The following MGST1 variants were observed in gnomAD, a reference collection of about 807,000 sequenced individuals.
MGST1 encodes glutathione S-transferase 12.
Under a neutral mutation model 8.9 loss-of-function variants are expected in MGST1, and 5 were observed. The ratio of observed to expected loss-of-function variants is 0.56; its 90% CI spans 0.29 to 1.19. MGST1 has a LOEUF of 1.19. Among genes scored for constraint, MGST1 ranks in the 50% most tolerant of loss-of-function variants. The pLI is 0.08. For missense variants in MGST1, 182 were observed against 187.4 expected (o/e 0.97, Z 0.17); for synonymous variants, 54 against 67.8 (o/e 0.80, Z 1.00).
chr12:16,512,774 G>A (rs1160067199), intron 4 of MGST1, among the ~76,000 whole-genome samples: 1 of 152,188 alleles, frequency 6.6e-6, no homozygotes, highest in African/African-American at 2.4e-5. Flanking sequence ...TCTTGCCAAT[G>A]AGGGCAATTT....
chr12:16,383,539 G>T (rs560866214), exon 1 of MGST1: 1 of 151,760 alleles, frequency 6.6e-6, no homozygotes, highest in Non-Finnish European at 1.5e-5. Flanking sequence ...TCAGCTCACC[G>T]CAACCTCTGC....
chr12:16,437,947 G>A (rs1471638045), exon 2 of MGST1: 1 of 151,802 alleles, frequency 6.6e-6, no homozygotes, highest in Admixed American at 6.6e-5. Flanking sequence ...TATCCACACA[G>A]GGTCCACATA....
At chr12:16,507,744 AGATCTC>A (rs1226744693) in intron 4 of MGST1, among the ~76,000 whole-genome samples, 55 of 152,224 alleles carry the variant, frequency 3.6e-4, no homozygotes, top group Non-Finnish European at 7.4e-5. Flanking sequence ...TCAAACAACC[AGATCTC>A]GTGAGAACTC....
At chr12:16,487,960 A>G (rs190115723) in intron 4 of MGST1, among the ~76,000 whole-genome samples, 1 of 152,360 alleles carries the variant, frequency 6.6e-6, no homozygotes, top group East Asian at 1.9e-4. Flanking sequence ...TAGGCTAAAG[A>G]ATGGTGAAAA....
Position 16,401,654 on chromosome 12 carries a change from C to T in MGST1, n.778+18050C>T. ...GATTCTTGTCACTCACCACACTGAA[C>T]TTGAGATTATAGTTGCCACCACTCT... On this transcript the variant is annotated intron_variant and non_coding_transcript_variant, in intron 1 of 1. Coordinates refer to the MGST1 transcript ENST00000359720. This position sits in a 1 kb window ranked among gnomAD's most constrained non-coding sequence, Gnocchi z 4.3. 13 of 1,601,112 alleles carry T rather than the reference C, an allele frequency of 8.1e-6. No homozygotes were observed. Among genetic ancestry groups the T allele is most frequent in the Non-Finnish European group, 1.1e-5 (13 of 1,168,162 alleles).
At chr12:16,348,801 TA>T (rs61688908) in intron 1 of MGST1, 15,644 of 138,742 alleles carry the variant, frequency 0.11, 938 homozygotes, top group East Asian at 0.2. Context: ...CTTTGGTAAT[TA>T]AAAAAAAAAA....
downstream of MGST1, among the ~76,000 whole-genome samples, chr12:16,365,750 C>CATAT (rs3029451): frequency 1.3e-5 from 2 of 151,536 alleles, no homozygotes; most frequent in East Asian, 1.9e-4. Flanking sequence ...CGCGCACACA[C>CATAT]ACACACACAC....
intron 4 of MGST1, among the ~76,000 whole-genome samples, chr12:16,536,495 T>A (rs1941757722): frequency 6.6e-6 from 1 of 152,192 alleles, no homozygotes. Context: ...GAAAGAAATG[T>A]TGGTAATTCT....
chr12:16,560,553 ATTTT>A lies in MGST1; in HGVS notation n.483-28965_483-28962del. The A allele has an allele frequency of 7.1e-7, 1 of 1,414,558 alleles. No homozygotes were observed. Among genetic ancestry groups the A allele is most frequent in the Non-Finnish European group, 9.6e-7 (1 of 1,037,322 alleles). 87.6% of individuals were successfully genotyped at this position (1,414,558 alleles called of 1,614,324 possible). A position where few individuals can be genotyped will look rare whatever the true frequency, so the allele number is the denominator to read the frequency against. On this transcript the variant is annotated intron_variant and non_coding_transcript_variant, in intron 4 of 4. Coordinates refer to the MGST1 transcript ENST00000538857. The surrounding 1 kb of genome is among the most constrained non-coding windows in gnomAD (Gnocchi z 5.0). The stretch of plus-strand genomic sequence containing the variant: ...CACCAAAGAGCCTAGAATAAGAAAC[ATTTT>A]TTTTTTTTTACAAACTCTTACAGAG...
chr12:16,532,688 G>A (rs1941730172), intron 4 of MGST1, among the ~76,000 whole-genome samples: 2 of 152,018 alleles, frequency 1.3e-5, no homozygotes, highest in Admixed American at 6.6e-5. Flanking sequence ...TTGCAAACCT[G>A]GAATTCTGCA....
chr12:16,423,971 A>G (rs1565451749), intron 1 of MGST1, among the ~76,000 whole-genome samples: 1 of 152,044 alleles, frequency 6.6e-6, no homozygotes, highest in Non-Finnish European at 1.5e-5. Flanking sequence ...AATATATCTA[A>G]TGTATTTCCT....
At chr12:16,561,845 C>T (rs573896792) in intron 4 of MGST1, among the ~76,000 whole-genome samples, 5 of 152,110 alleles carry the variant, frequency 3.3e-5, no homozygotes, top group African/African-American at 1.2e-4. Flanking sequence ...AGAGCATAAG[C>T]GCCTTGAAGG....
At chr12:16,533,353 A>C (rs542451990) in intron 4 of MGST1, among the ~76,000 whole-genome samples, 2 of 152,312 alleles carry the variant, frequency 1.3e-5, no homozygotes, top group African/African-American at 2.4e-5. Flanking sequence ...TGGAATCAGC[A>C]TCGCCTGTAG....
At position 16,587,117 on chromosome 12, in the gene MGST1, G is replaced by T. The variant is rs1040061006; in HGVS notation, n.483-2411G>T. 4.6e-4 allele frequency among the ~76,000 whole-genome samples: 70 copies of T among 152,126 alleles called. No individual in the cohort carries two copies. Among genetic ancestry groups the T allele is most frequent in the African/African-American group, 1.7e-3 (69 of 41,414 alleles). On this transcript the variant is annotated intron_variant and non_coding_transcript_variant, in intron 4 of 4. Transcript: ENST00000538857. This position sits in a 1 kb window ranked among gnomAD's most constrained non-coding sequence, Gnocchi z 4.3. Reference sequence around the variant, plus strand: ...CCAAACTATGCCCACAAGGGTACTTGGACAATGGCTTACATTTTAAATTAT... The same window carrying T: ...CCAAACTATGCCCACAAGGGTACTTTGACAATGGCTTACATTTTAAATTAT...
At chr12:16,457,440 A>G (rs1591734604) in intron 4 of MGST1, among the ~76,000 whole-genome samples, 1 of 151,984 alleles carries the variant, frequency 6.6e-6, no homozygotes, top group East Asian at 1.9e-4. Context: ...GAAGAGGCAC[A>G]GTAGGAATGA....
intron 4 of MGST1, among the ~76,000 whole-genome samples, chr12:16,578,440 T>G (rs1211787229): frequency 6.6e-6 from 1 of 152,152 alleles, no homozygotes; most frequent in Non-Finnish European, 1.5e-5. Flanking sequence ...AAGAAGCAGT[T>G]GTGCTCTCTT....
chr12:16,570,991 A>G (rs1446194363), intron 4 of MGST1, among the ~76,000 whole-genome samples: 2 of 152,120 alleles, frequency 1.3e-5, no homozygotes, highest in Non-Finnish European at 2.9e-5. Context: ...TATGTAACTA[A>G]CCTGCACATT....
intron 1 of MGST1, among the ~76,000 whole-genome samples, chr12:16,348,639 A>G (rs1939307097): frequency 6.6e-6 from 1 of 152,034 alleles, no homozygotes; most frequent in Admixed American, 6.5e-5. Context: ...TCCAGTGAGC[A>G]ATCCTTAAAG....
chr12:16,521,677 T>G (rs1941649118), intron 4 of MGST1, among the ~76,000 whole-genome samples: 1 of 152,182 alleles, frequency 6.6e-6, no homozygotes, highest in African/African-American at 2.4e-5. Flanking sequence ...TAACATATTT[T>G]TTGTCTTTTC....
Sources: allele counts gnomAD v4.1 joint callset (sites outside exome capture counted in the v4.1 genomes callset), GRCh38; gene constraint gnomAD v4.1.1; non-coding constraint Gnocchi (gnomAD v3.1); transcripts MANE v1.5; gene names NCBI Gene and HGNC (gene_info 2026-07-23, HGNC 2026-07-21).